Variants in UCKL1 observed in about 807,000 individuals in gnomAD.
UCKL1 encodes the protein uridine-cytidine kinase-like 1.
In UCKL1, 65 loss-of-function variants were observed where a neutral mutation model predicts 59.2. The ratio of observed to expected loss-of-function variants is 1.10; its 90% CI spans 0.90 to 1.35. UCKL1 has a LOEUF of 1.35. Ranked by LOEUF, UCKL1 falls within the 40% of genes most tolerant of loss-of-function variation. UCKL1 has a pLI of 0.00. For synonymous variants in UCKL1, 410 were observed against 323.1 expected (o/e 1.27, Z -2.88); for missense variants, 703 against 784.3 (o/e 0.90, Z 1.24).
chr20:63,946,398 AG>A, intron 2 of UCKL1, 54 bp downstream of exon 2: 1 of 1,514,238 alleles, frequency 6.6e-7, no homozygotes, highest in Non-Finnish European at 8.9e-7. Flanking sequence ...CAGGCACTGG[AG>A]GGGAGCCGGA....
In UCKL1 at chr20:63,944,681, C is replaced by T. The variant is rs200652910; in HGVS notation, c.708G>A (p.Arg236=). 290 of 1,613,000 alleles carry T rather than the reference C, an allele frequency of 1.8e-4. 1 individual carries two copies. In the East Asian group the frequency reaches 5.7e-3, roughly 32 times the overall value. ...GCTCACTGATGTCCCGGCGCAGCCGCCGTACCAGGCGGATGTCGGAGTCTG... is the reference window on the plus strand; with the variant it reads ...GCTCACTGATGTCCCGGCGCAGCCGTCGTACCAGGCGGATGTCGGAGTCTG... ...VDTDSDIRLV[R]RLRRDISERG... Residue 236 remains arginine (R), a synonymous_variant, in exon 6 of 15, where the codon CGG becomes CGA. Coordinates refer to ENST00000354216, the MANE Select transcript of UCKL1 (RefSeq NM_017859.4).
intron 8 of UCKL1, chr20:63,941,491 C>T (rs1009250061): frequency 2.1e-6 from 1 of 472,236 alleles, no homozygotes; most frequent in African/African-American, 2.0e-5. Flanking sequence ...GTGCGGGACC[C>T]CTCCTGCGCT....
At chr20:63,949,483 A>T (rs1401803536) in intron 1 of UCKL1, among the ~76,000 whole-genome samples, 1 of 152,180 alleles carries the variant, frequency 6.6e-6, no homozygotes, top group Non-Finnish European at 1.5e-5. Flanking sequence ...GGCCCTGGAC[A>T]CACATGACCA....
intron 1 of UCKL1, chr20:63,950,922 A>C: frequency 7.2e-7 from 1 of 1,387,414 alleles, no homozygotes; most frequent in Non-Finnish European, 9.3e-7. Context: ...GGACATCACC[A>C]CCTCAGACCC....
At chr20:63,945,341 C>T (rs2055865823) in intron 5 of UCKL1, among the ~76,000 whole-genome samples, 1 of 152,150 alleles carries the variant, frequency 6.6e-6, no homozygotes. Flanking sequence ...TCAAACACAC[C>T]AGCCCTGGGT....
At chr20:63,945,502 G>A in intron 5 of UCKL1, 149 bp downstream of exon 5, 1 of 770,930 alleles carries the variant, frequency 1.3e-6, no homozygotes, top group Non-Finnish European at 2.1e-6. Flanking sequence ...GCTGTGGCAT[G>A]CCTGGGGTTG....
chr20:63,941,413 G>A (rs1161001444), intron 8 of UCKL1: 10 of 734,472 alleles, frequency 1.4e-5, no homozygotes, highest in Non-Finnish European at 2.0e-5. Context: ...GAAAGATGGC[G>A]GCGAACAACG....
intron 1 of UCKL1, chr20:63,951,228 T>G (rs1601308744): frequency 5.0e-6 from 5 of 991,330 alleles, no homozygotes; most frequent in Admixed American, 6.0e-5. Flanking sequence ...TAGCGCTGGC[T>G]TTGCCTGGTG....
At position 63,946,568 on chromosome 20, in the gene UCKL1, G is replaced by C; in HGVS notation, c.189C>G (p.Ser63Arg). 6.2e-7 allele frequency: 1 copy of C among 1,611,790 alleles called. No individual in the cohort carries two copies. The highest frequency in any genetic ancestry group is 1.1e-5 in the South Asian group (1 of 91,012). Residue 63 changes from serine to arginine, a missense_variant, in exon 2 of 15, where the codon AGC (serine) becomes AGG (arginine). Physicochemically the swap from Ser to Arg is moderately radical, Grantham distance 110. This residue lies in a region of UCKL1 where 398 missense variants were observed against 373.0 expected (regional missense o/e 1.07). Coordinates refer to ENST00000354216, the MANE Select transcript of UCKL1 (RefSeq NM_017859.4). ...GCAGGGGAGGCTCTGACTTGCACTG[G>C]CTGGTGGTCCGCTTCCGGGGAGAGC... ...TGRSPRKRTT[S>R]QCKSEPPLLR...
At chr20:63,948,280 GC>G (rs1166739976) in intron 1 of UCKL1, 1 of 152,190 alleles carries the variant, frequency 6.6e-6, no homozygotes, top group Non-Finnish European at 1.5e-5. Flanking sequence ...GCCCCCGGGG[GC>G]AAGAGGGAAA....
chr20:63,946,061 G>A (rs896143339), intron 3 of UCKL1, 86 bp from the exon 4 acceptor site: 1 of 1,608,916 alleles, frequency 6.2e-7, no homozygotes, highest in East Asian at 2.2e-5. Context: ...CCTCCCAGGA[G>A]CAGCCACGCT....
In UCKL1 at chr20:63,941,531, G is replaced by C; in HGVS notation, c.924-323C>G. On this transcript the variant is annotated intron_variant, in intron 8 of 14. Coordinates refer to ENST00000354216, the MANE Select transcript of UCKL1 (RefSeq NM_017859.4). The stretch of plus-strand genomic sequence containing the variant: ...GGAAGCAGAAGTGGGCCGGGCACAG[G>C]GCGGGCTCACACGTGCTGATAGGTG... The C allele has an allele frequency of 2.1e-5, 8 of 378,220 alleles. 1 individual carries two copies. The Middle Eastern group carries it at 2.5e-3, about 118-fold the overall frequency. The allele number at this position is 378,220 out of a possible 1,614,324, so 23.4% of individuals were successfully genotyped here.
intron 1 of UCKL1, chr20:63,954,032 G>T: frequency 6.5e-6 from 1 of 153,294 alleles, no homozygotes; most frequent in Non-Finnish European, 1.5e-5. Flanking sequence ...GAGGCTGGGG[G>T]GAGGAGGGAG....
chr20:63,945,865 C>T lies in UCKL1; in HGVS notation c.522G>A (p.Gln174=). 3.7e-6 allele frequency: 6 copies of T among 1,613,896 alleles called. No individual in the cohort carries two copies. Among genetic ancestry groups the T allele is most frequent in the African/African-American group, 1.3e-5 (1 of 75,052 alleles). ...LIISTLKKLK[Q]GKSVKVPIYD... ...AAATGGGCACCTTGACACTCTTCCC[C>T]TGCTTCAGCTTCTTGAGGGTGGAAA... Residue 174 remains glutamine, a synonymous_variant, in exon 4 of 15, where the codon CAG becomes CAA. Transcript: ENST00000354216.
chr20:63,950,322 G>T (rs975016222), intron 1 of UCKL1, among the ~76,000 whole-genome samples: 19 of 152,196 alleles, frequency 1.2e-4, no homozygotes, highest in African/African-American at 4.3e-4. Context: ...CTCATGCCTT[G>T]AACAGTCCTT....
intron 1 of UCKL1, among the ~76,000 whole-genome samples, chr20:63,947,160 T>C (rs529953791): frequency 1.3e-5 from 2 of 151,730 alleles, no homozygotes; most frequent in Non-Finnish European, 2.9e-5. Context: ...GCACAGGGCC[T>C]CAGATCATCA....
chr20:63,953,374 C>T (rs2057996795), intron 1 of UCKL1: 1 of 149,822 alleles, frequency 6.7e-6, no homozygotes, highest in African/African-American at 2.5e-5. Flanking sequence ...AGCAAAACTC[C>T]ATCTCAAAAA....
chr20:63,941,647 G>A (rs941995702), intron 8 of UCKL1: 18 of 223,228 alleles, frequency 8.1e-5, no homozygotes, highest in Admixed American at 3.4e-4. Flanking sequence ...TCCTCCCCGA[G>A]GTGGTGCGCG....
intron 8 of UCKL1, 137 bp downstream of exon 8, chr20:63,943,516 G>C: frequency 7.7e-7 from 1 of 1,294,872 alleles, no homozygotes; most frequent in Non-Finnish European, 1.1e-6. Context: ...GCAGAAGCAG[G>C]GCTGGGACCA....
Sources: allele counts gnomAD v4.1 joint callset (sites outside exome capture counted in the v4.1 genomes callset), GRCh38; gene constraint gnomAD v4.1.1; regional missense constraint gnomAD v4.1.1; transcripts MANE v1.5; gene names NCBI Gene and HGNC (gene_info 2026-07-23, HGNC 2026-07-21).